SIDT1: variants seen among roughly 807,000 people sequenced by gnomAD.
SIDT1 encodes SID1 transmembrane family member 1, also known as SID1 transmembrane family, member 1.
In SIDT1, 101 loss-of-function variants were observed where a neutral mutation model predicts 107.5. That is an observed-to-expected ratio of 0.94 (90% CI 0.80 to 1.11). The LOEUF is 1.11. Among genes scored for constraint, SIDT1 ranks in the 50% least tolerant of loss-of-function variants. The pLI, the probability that SIDT1 is intolerant of heterozygous loss-of-function variation, is 0.00. For missense variants in SIDT1, 1,076 were observed against 1,058.2 expected, an observed-to-expected ratio of 1.02 and a Z score of -0.23; for synonymous variants, 395 against 398.2, an observed-to-expected ratio of 0.99 and a Z score of 0.10.
At position 113,628,917 on chromosome 3, in the gene SIDT1, T is replaced by C. The variant is rs1947017698; in HGVS notation, c.*1209T>C. The C allele has an allele frequency of 2.0e-5, 3 of 152,384 alleles. No homozygotes were observed. Among genetic ancestry groups the C allele is most frequent in the African/African-American group, 4.8e-5 (2 of 41,576 alleles). The allele number at this position is 152,384 out of a possible 1,614,324, so 9.4% of individuals were successfully genotyped here. Reference sequence around the variant, plus strand: ...TGACATTCTCTCCCCAGTAAGGTGTTGGCAAGCTCAGCATCTGGGTTCCAC... The same window carrying C: ...TGACATTCTCTCCCCAGTAAGGTGTCGGCAAGCTCAGCATCTGGGTTCCAC... On this transcript the variant is annotated 3_prime_UTR_variant, in exon 25 of 25. Transcript: ENST00000264852.
chr3:113,589,529 CTTT>C (rs386397654), intron 9 of SIDT1, among the ~76,000 whole-genome samples: 4 of 116,026 alleles, frequency 3.4e-5, no homozygotes, highest in Non-Finnish European at 1.7e-5. Context: ...ACTTCTCTCC[CTTT>C]TTTTTTTTTT....
At chr3:113,585,709 C>G (rs1481523786) in intron 9 of SIDT1, among the ~76,000 whole-genome samples, 7 of 152,116 alleles carry the variant, frequency 4.6e-5, no homozygotes, top group African/African-American at 1.7e-4. Flanking sequence ...TGAGGTGCAA[C>G]AAAGAGCAGG....
chr3:113,536,162 G>T (rs1426596803), intron 1 of SIDT1, among the ~76,000 whole-genome samples: 1 of 152,104 alleles, frequency 6.6e-6, no homozygotes, highest in Non-Finnish European at 1.5e-5. Context: ...CTATCTTCTT[G>T]GCCATCCCCT....
chr3:113,621,511 C>T (rs958813979), intron 21 of SIDT1, among the ~76,000 whole-genome samples: 5 of 151,728 alleles, frequency 3.3e-5, no homozygotes, highest in Non-Finnish European at 7.4e-5. Context: ...ATTAATAGTA[C>T]TTTACACTTT....
intron 1 of SIDT1, among the ~76,000 whole-genome samples, chr3:113,554,756 A>T (rs1251390893): frequency 6.6e-6 from 1 of 151,482 alleles, no homozygotes; most frequent in Non-Finnish European, 1.5e-5. Flanking sequence ...TAGAGGTAGA[A>T]CCCCTTTCGC....
intron 17 of SIDT1, 63 bp downstream of exon 17, chr3:113,608,599 C>A: frequency 2.6e-6 from 3 of 1,165,828 alleles, no homozygotes; most frequent in Non-Finnish European, 3.8e-6. Flanking sequence ...GAACCCTCCC[C>A]AAAAATGCCA....
rs753030013 is a variant in SIDT1 at position 113,583,461 on chromosome 3, A to G, written c.800A>G (p.Glu267Gly). The stretch of plus-strand genomic sequence containing the variant: ...TTCGTGGTATTTGTGATAAAGCCTG[A>G]AGATTATGCCTGTGGAGGATCTTTC... ...QFFVVFVIKP[E>G]DYACGGSFFI... The change falls in exon 7 of 25, where the codon GAA (glutamate) becomes GGA (glycine). Residue 267 changes from glutamate to glycine, a missense_variant. Glu to Gly is a moderately conservative substitution (Grantham distance 98, BLOSUM62 -2). Coordinates refer to ENST00000264852, the MANE Select transcript of SIDT1 (RefSeq NM_017699.3). 6.2e-6 allele frequency: 10 copies of G among 1,601,022 alleles called. No individual in the cohort carries two copies. The highest frequency in any genetic ancestry group is 8.5e-6 in the Non-Finnish European group (10 of 1,170,976).
intron 10 of SIDT1, among the ~76,000 whole-genome samples, chr3:113,597,216 G>A (rs1031376769): frequency 4.6e-5 from 7 of 152,068 alleles, no homozygotes; most frequent in African/African-American, 1.7e-4. Flanking sequence ...TAAAATTTTG[G>A]CTGGGCACGA....
At chr3:113,557,719 A>C (rs1223375344) in intron 1 of SIDT1, among the ~76,000 whole-genome samples, 1 of 152,232 alleles carries the variant, frequency 6.6e-6, no homozygotes, top group Non-Finnish European at 1.5e-5. Flanking sequence ...TCTAGTCTGA[A>C]GAACTGTGAA....
intron 19 of SIDT1, 152 bp from the exon 20 acceptor site, chr3:113,615,948 T>C: frequency 3.0e-6 from 2 of 675,696 alleles, no homozygotes; most frequent in South Asian, 3.4e-5. Context: ...TCAAAGCAAA[T>C]ACTTATTGCG....
chr3:113,593,082 T>TGTC, intron 10 of SIDT1, 34 bp downstream of exon 10: 1 of 1,559,166 alleles, frequency 6.4e-7, no homozygotes, highest in African/African-American at 1.4e-5. Flanking sequence ...TTCAAAATGG[T>TGTC]GTCGCATAGT....
chr3:113,542,926 G>T (rs1560009420), intron 1 of SIDT1, among the ~76,000 whole-genome samples: 1 of 151,024 alleles, frequency 6.6e-6, no homozygotes, highest in Non-Finnish European at 1.5e-5. Context: ...GTGTGTGTGT[G>T]TGTGTGTGTG....
At position 113,533,005 on chromosome 3, in the gene SIDT1, C is replaced by T. The variant is rs1937631065; in HGVS notation, c.-17C>T. ...CCCAGGGTGGCTCCGCTTTCGAGCC[C>T]GGGCGCGGTGCCCACCATGCGCGGC... On this transcript the variant is annotated 5_prime_UTR_variant, in exon 1 of 25. Coordinates refer to ENST00000264852, the MANE Select transcript of SIDT1 (RefSeq NM_017699.3). 2.2e-6 allele frequency: 3 copies of T among 1,345,202 alleles called. No homozygotes were observed. Among genetic ancestry groups the T allele is most frequent in the East Asian group, 3.1e-5 (1 of 32,078 alleles). The allele number at this position is 1,345,202 out of a possible 1,614,324, so 83.3% of individuals were successfully genotyped here. A position where few individuals can be genotyped will look rare whatever the true frequency, so the allele number is the denominator to read the frequency against.
intron 2 of SIDT1, among the ~76,000 whole-genome samples, chr3:113,567,287 T>C (rs1263101334): frequency 6.6e-6 from 1 of 152,204 alleles, no homozygotes; most frequent in Non-Finnish European, 1.5e-5. Context: ...TGGCTTAGCG[T>C]AATGTAGATA....
chr3:113,593,740 A>G (rs955821345), intron 10 of SIDT1, among the ~76,000 whole-genome samples: 2 of 152,214 alleles, frequency 1.3e-5, no homozygotes, highest in Non-Finnish European at 2.9e-5. Context: ...ACTCTGATAC[A>G]TGGTTTACTT....
At chr3:113,602,286 T>G (rs1379504552) in intron 11 of SIDT1, 1 of 152,362 alleles carries the variant, frequency 6.6e-6, no homozygotes, top group South Asian at 2.1e-4. Flanking sequence ...AATGTCAGTG[T>G]AGAGGGACTG....
At chr3:113,620,992 T>C (rs1946427688) in intron 21 of SIDT1, among the ~76,000 whole-genome samples, 2 of 152,118 alleles carry the variant, frequency 1.3e-5, no homozygotes, top group African/African-American at 2.4e-5. Context: ...GGGATGGAGG[T>C]GCAATGACAG....
chr3:113,570,775 T>C (rs1942375998), intron 3 of SIDT1, among the ~76,000 whole-genome samples: 1 of 152,222 alleles, frequency 6.6e-6, no homozygotes, highest in African/African-American at 2.4e-5. Context: ...ATCTCTAAGA[T>C]TGAAGTTTCT....
chr3:113,594,725 G>C (rs564299427), intron 10 of SIDT1, among the ~76,000 whole-genome samples: 46 of 152,124 alleles, frequency 3.0e-4, no homozygotes, highest in African/African-American at 1.0e-3. Flanking sequence ...TGACCAAAAA[G>C]AGTAAAGATG....
Sources: gnomAD v4.1 joint callset for allele counts (sites outside exome capture counted in the v4.1 genomes callset) on GRCh38, gnomAD v4.1.1 for gene constraint, MANE v1.5 for transcripts, NCBI Gene and HGNC (gene_info 2026-07-23, HGNC 2026-07-21) for gene names.